The following ZNF536 variants were observed in gnomAD, a reference collection of about 807,000 sequenced individuals.
The protein encoded by ZNF536 is zinc finger protein 536.
A neutral mutation model predicts 84.5 loss-of-function variants in ZNF536; 13 were observed. That is an observed-to-expected ratio of 0.15 (90% confidence interval 0.10 to 0.24). ZNF536 has a LOEUF of 0.24. Among genes scored for constraint, ZNF536 ranks in the 10% least tolerant of loss-of-function variants. ZNF536 has a pLI of 1.00. For missense variants in ZNF536, 1,536 were observed against 1,747.5 expected (o/e 0.88, Z 2.16); for synonymous variants, 811 against 742.5 (o/e 1.09, Z -1.50).
intron 1 of ZNF536, among the ~76,000 whole-genome samples, chr19:30,272,892 C>A (rs2025930663): frequency 6.6e-6 from 1 of 152,090 alleles, no homozygotes; most frequent in Admixed American, 6.6e-5. Flanking sequence ...CTGCTATAAA[C>A]ATTCATGCGC....
At chr19:30,355,535 C>T (rs2048066290) in intron 3 of ZNF536, among the ~76,000 whole-genome samples, 1 of 152,068 alleles carries the variant, frequency 6.6e-6, no homozygotes, top group African/African-American at 2.4e-5. Flanking sequence ...CTACAAGTGC[C>T]TCCCACCGTG....
intron 1 of ZNF536, among the ~76,000 whole-genome samples, chr19:30,278,458 G>A (rs2045318839): frequency 6.6e-6 from 1 of 151,980 alleles, no homozygotes. Flanking sequence ...TGGACTGGCT[G>A]TTTTATATAT....
chr19:30,468,031 G>C (rs2053487061), intron 2 of ZNF536, among the ~76,000 whole-genome samples: 1 of 152,222 alleles, frequency 6.6e-6, no homozygotes, highest in Admixed American at 6.5e-5. Flanking sequence ...TGCTGGGAGT[G>C]AGTGAGCACA....
At chr19:30,341,809 G>T (rs1431160260) in intron 2 of ZNF536, among the ~76,000 whole-genome samples, 1 of 152,040 alleles carries the variant, frequency 6.6e-6, no homozygotes, top group African/African-American at 2.4e-5. Context: ...CTGTGTGTGG[G>T]CCACAAATGT....
intron 1 of ZNF536, among the ~76,000 whole-genome samples, chr19:30,697,155 C>T (rs2051696050): frequency 6.6e-6 from 1 of 152,178 alleles, no homozygotes; most frequent in African/African-American, 2.4e-5. Flanking sequence ...AACTGCCAAA[C>T]ACTTTTAAAA....
chr19:30,386,152 T>G (rs898485678), intron 1 of ZNF536, among the ~76,000 whole-genome samples: 2 of 152,166 alleles, frequency 1.3e-5, no homozygotes, highest in African/African-American at 2.4e-5. Context: ...CTACGCTGTC[T>G]TAGAAAGCCA....
rs572672309 is a variant in ZNF536 at position 30,264,841 on chromosome 19, G to A, written c.-189-19231G>A. 4.0e-5 allele frequency among the ~76,000 whole-genome samples: 6 copies of A among 151,896 alleles called. No individual in the cohort carries two copies. In the South Asian group the frequency reaches 1.3e-3, roughly 32 times the overall value. ...TCTCATTCTAATCAGGCTTAGTTAG[G>A]GGATCCGCTCCAAGCTCCACACCAG... On this transcript the variant is annotated intron_variant, in intron 1 of 5. Coordinates refer to the ZNF536 transcript ENST00000585628.
intron 1 of ZNF536, among the ~76,000 whole-genome samples, chr19:30,600,538 C>T (rs894571024): frequency 6.6e-6 from 1 of 152,194 alleles, no homozygotes; most frequent in African/African-American, 2.4e-5. Context: ...CCAGGCACTT[C>T]CTCACATCCA....
chr19:30,262,590 G>A (rs2025285430), intron 1 of ZNF536, among the ~76,000 whole-genome samples: 1 of 152,216 alleles, frequency 6.6e-6, no homozygotes, highest in Admixed American at 6.5e-5. Context: ...ATCCGTGGTT[G>A]GAGGCTTGGA....
chr19:30,685,337 C>G (rs2147858913), intron 1 of ZNF536, among the ~76,000 whole-genome samples: 1 of 152,278 alleles, frequency 6.6e-6, no homozygotes, highest in East Asian at 1.9e-4. Context: ...GATGGAGAGA[C>G]TCTTTCTGGA....
chr19:30,483,432 A>G (rs2054168133), intron 2 of ZNF536, among the ~76,000 whole-genome samples: 1 of 152,022 alleles, frequency 6.6e-6, no homozygotes, highest in African/African-American at 2.4e-5. Flanking sequence ...AGTCTTCCGA[A>G]TGGGTGTCTC....
chr19:30,675,607 C>A (rs2050725656), intron 1 of ZNF536, among the ~76,000 whole-genome samples: 1 of 152,188 alleles, frequency 6.6e-6, no homozygotes, highest in Admixed American at 6.5e-5. Context: ...CTCACAGCTG[C>A]ATGCCTTGAA....
At chr19:30,350,241 G>A (rs145787457) in intron 2 of ZNF536, among the ~76,000 whole-genome samples, 25 of 152,276 alleles carry the variant, frequency 1.6e-4, no homozygotes, top group East Asian at 5.8e-4. Context: ...AAATTTCGGC[G>A]TTTAAGCCTG....
intron 1 of ZNF536, among the ~76,000 whole-genome samples, chr19:30,280,911 G>A (rs890169070): frequency 6.6e-6 from 1 of 152,190 alleles, no homozygotes; most frequent in Non-Finnish European, 1.5e-5. Context: ...CCCGTGCAGG[G>A]CTAGCTTGTA....
intron 2 of ZNF536, among the ~76,000 whole-genome samples, chr19:30,301,950 G>A (rs7248606): frequency 0.17 from 25,370 of 151,984 alleles, 2,417 homozygotes; most frequent in East Asian, 0.37. Flanking sequence ...TGAGGAGGGA[G>A]GTGTGTAGAG....
intron 2 of ZNF536, among the ~76,000 whole-genome samples, chr19:30,483,115 G>A (rs2054155027): frequency 1.3e-5 from 2 of 152,182 alleles, no homozygotes; most frequent in South Asian, 4.1e-4. Context: ...AGTGTTCTGT[G>A]TTGGCCCAGT....
chr19:30,697,832 C>T (rs909064756), intron 1 of ZNF536, among the ~76,000 whole-genome samples: 3 of 152,286 alleles, frequency 2.0e-5, no homozygotes, highest in Non-Finnish European at 2.9e-5. Flanking sequence ...CAGAAGTTTT[C>T]GTGTCAACAG....
intron 2 of ZNF536, among the ~76,000 whole-genome samples, chr19:30,477,848 A>G (rs1414523821): frequency 1.3e-5 from 2 of 152,172 alleles, no homozygotes; most frequent in African/African-American, 4.8e-5. Context: ...ATCTCAGGGG[A>G]TCCTCTATTG....
chr19:30,393,408 A>G (rs536659319), intron 1 of ZNF536, among the ~76,000 whole-genome samples: 8 of 152,318 alleles, frequency 5.3e-5, no homozygotes, highest in Non-Finnish European at 1.0e-4. Context: ...TTGAAGACCT[A>G]CTGTGCCCTG....
Sources: gnomAD v4.1 joint callset for allele counts (sites outside exome capture counted in the v4.1 genomes callset) on GRCh38, gnomAD v4.1.1 for gene constraint, MANE v1.5 for transcripts, NCBI Gene and HGNC (gene_info 2026-07-23, HGNC 2026-07-21) for gene names.